Variants in CPNE8 observed in about 807,000 individuals in gnomAD.
The protein encoded by CPNE8 is copine 8, also known as copine-8.
Under a neutral mutation model 81.5 loss-of-function variants are expected in CPNE8, and 45 were observed. That is an observed-to-expected ratio of 0.55 (90% confidence interval 0.44 to 0.71). CPNE8 has a LOEUF of 0.71. Among genes scored for constraint, CPNE8 ranks in the 30% least tolerant of loss-of-function variants. The pLI is 0.00. For synonymous variants in CPNE8, 252 were observed against 226.3 expected (o/e 1.11, Z -1.02); for missense variants, 594 against 672.1 (o/e 0.88, Z 1.28).
chr12:38,738,519 T>C (rs906479158), intron 10 of CPNE8, among the ~76,000 whole-genome samples: 1 of 152,128 alleles, frequency 6.6e-6, no homozygotes, highest in African/African-American at 2.4e-5. Flanking sequence ...AGATAAGGGA[T>C]TGTTAGTCAA....
intron 14 of CPNE8, among the ~76,000 whole-genome samples, chr12:38,694,096 G>C (rs1052207998): frequency 2.6e-5 from 4 of 151,938 alleles, no homozygotes; most frequent in Non-Finnish European, 5.9e-5. Context: ...CAATGCCACA[G>C]GGTATTTTTG....
In CPNE8 at chr12:38,653,826, A is replaced by T; in HGVS notation, c.*56T>A. ...TGGTTCATTACAGAGCACCAGGCAC[A>T]AAGCATTAACTCAGCACTTTTGATT... On this transcript the variant is annotated 3_prime_UTR_variant, in exon 20 of 20. Coordinates refer to ENST00000331366, the MANE Select transcript of CPNE8 (RefSeq NM_153634.3). 1 of 1,574,526 alleles carries T rather than the reference A, an allele frequency of 6.4e-7. No homozygotes were observed. Among genetic ancestry groups the T allele is most frequent in the Non-Finnish European group, 8.6e-7 (1 of 1,165,902 alleles).
At chr12:38,854,265 C>T (rs1050843313) in intron 3 of CPNE8, among the ~76,000 whole-genome samples, 3 of 151,772 alleles carry the variant, frequency 2.0e-5, no homozygotes, top group Admixed American at 6.6e-5. Flanking sequence ...GGAAATAAAA[C>T]ACTGGCCTCA....
chr12:38,782,696 T>C (rs903798242), intron 6 of CPNE8, among the ~76,000 whole-genome samples: 1 of 152,166 alleles, frequency 6.6e-6, no homozygotes, highest in Admixed American at 6.5e-5. Context: ...TTGTTTTTTT[T>C]TTGAGACAGG....
Position 38,723,839 on chromosome 12 carries a change from A to G in CPNE8, c.853-6T>C. ...AAGAAAGAGAGTAAAGTTACCTGAA[A>G]AAGAAAAAGACAGAATTACCTTCTA... On this transcript the variant is annotated splice_region_variant and splice_polypyrimidine_tract_variant and intron_variant, in intron 12 of 19. Coordinates refer to ENST00000331366, the MANE Select transcript of CPNE8 (RefSeq NM_153634.3). 1.3e-6 allele frequency: 2 copies of G among 1,545,050 alleles called. No homozygotes were observed. The highest frequency in any genetic ancestry group is 4.5e-5 in the East Asian group (2 of 44,482).
chr12:38,693,787 T>C lies in CPNE8; in HGVS notation c.1013A>G (p.Asn338Ser). The change falls in exon 15 of 20, where the codon AAT (asparagine) becomes AGT (serine). Residue 338 changes from asparagine (N) to serine (S), a missense_variant. Asn to Ser is a conservative substitution (Grantham distance 46, BLOSUM62 1). Coordinates refer to ENST00000331366, the MANE Select transcript of CPNE8 (RefSeq NM_153634.3). The stretch of plus-strand genomic sequence containing the variant: ...TGCTTTTAGTGCCATACCATAGGCA[T>C]TCAGTTGGTAAGGATTCATGTAGTG... ...SLHYMNPYQLNAYGMALKAVG... is the reference protein window; with the variant it reads ...SLHYMNPYQLSAYGMALKAVG... 6.2e-7 allele frequency: 1 copy of C among 1,613,008 alleles called. No homozygotes were observed. The highest frequency in any genetic ancestry group is 2.2e-5 in the East Asian group (1 of 44,778).
At chr12:38,851,822 T>C (rs981142431) in intron 3 of CPNE8, among the ~76,000 whole-genome samples, 12 of 152,190 alleles carry the variant, frequency 7.9e-5, no homozygotes, top group Non-Finnish European at 1.5e-4. Flanking sequence ...TGGCTCCTAT[T>C]TTCCTCTCTA....
chr12:38,749,922 A>T (rs976968313), intron 10 of CPNE8, among the ~76,000 whole-genome samples: 1 of 152,164 alleles, frequency 6.6e-6, no homozygotes, highest in Non-Finnish European at 1.5e-5. Context: ...GTTAATCCCC[A>T]AGACAATGGG....
chr12:38,683,669 TC>T (rs1335805406), intron 16 of CPNE8, among the ~76,000 whole-genome samples: 1 of 152,124 alleles, frequency 6.6e-6, no homozygotes, highest in Non-Finnish European at 1.5e-5. Context: ...TCTTTTGTGG[TC>T]TTATACTAAG....
At chr12:38,673,899 A>G (rs2136646353) in intron 18 of CPNE8, among the ~76,000 whole-genome samples, 1 of 152,202 alleles carries the variant, frequency 6.6e-6, no homozygotes, top group South Asian at 2.1e-4. Context: ...CTCTATAAGG[A>G]GAAGTCCTGG....
intron 6 of CPNE8, among the ~76,000 whole-genome samples, chr12:38,796,614 G>C (rs1295561006): frequency 2.0e-5 from 3 of 152,162 alleles, no homozygotes; most frequent in Admixed American, 6.5e-5. Context: ...CCCAGCGTGA[G>C]TGACGCAGAA....
intron 6 of CPNE8, among the ~76,000 whole-genome samples, chr12:38,780,099 AG>A (rs1292726786): frequency 1.3e-5 from 2 of 152,008 alleles, no homozygotes; most frequent in Non-Finnish European, 2.9e-5. Flanking sequence ...TATGGTGTAA[AG>A]TAAGGGTCCA....
intron 8 of CPNE8, among the ~76,000 whole-genome samples, chr12:38,764,876 G>A (rs1941655316): frequency 6.6e-6 from 1 of 151,984 alleles, no homozygotes; most frequent in African/African-American, 2.4e-5. Context: ...GAGAGAGAGA[G>A]AGAGAAAAAG....
intron 6 of CPNE8, among the ~76,000 whole-genome samples, chr12:38,793,299 C>T (rs1942373139): frequency 6.7e-6 from 1 of 149,490 alleles, no homozygotes; most frequent in Admixed American, 6.7e-5. Context: ...TACAGAAGAG[C>T]TCATGCATTA....
At chr12:38,760,147 T>C (rs571391373) in intron 10 of CPNE8, among the ~76,000 whole-genome samples, 212 of 152,232 alleles carry the variant, frequency 1.4e-3, no homozygotes, top group African/African-American at 4.9e-3. Context: ...GATACCCACA[T>C]ATTCAGCCCT....
chr12:38,711,718 C>T (rs1190231431), intron 13 of CPNE8, among the ~76,000 whole-genome samples: 1 of 152,186 alleles, frequency 6.6e-6, no homozygotes, highest in Non-Finnish European at 1.5e-5. Flanking sequence ...ATCCACCCGC[C>T]TCGGCCTCCC....
intron 13 of CPNE8, among the ~76,000 whole-genome samples, chr12:38,705,304 A>G (rs1940077106): frequency 2.0e-5 from 3 of 152,124 alleles, no homozygotes; most frequent in Admixed American, 6.6e-5. Context: ...TCCTCTTAGT[A>G]AAAACTATTG....
chr12:38,788,631 A>C (rs1398000760), intron 6 of CPNE8, among the ~76,000 whole-genome samples: 2 of 151,772 alleles, frequency 1.3e-5, no homozygotes, highest in South Asian at 2.1e-4. Flanking sequence ...AGACAAGAGA[A>C]AGGTATAGAA....
intron 3 of CPNE8, among the ~76,000 whole-genome samples, chr12:38,863,339 T>G (rs1318763382): frequency 6.6e-6 from 1 of 152,144 alleles, no homozygotes; most frequent in Non-Finnish European, 1.5e-5. Context: ...TATTAAAACC[T>G]CCTATAATGA....
Sources: allele counts gnomAD v4.1 joint callset (sites outside exome capture counted in the v4.1 genomes callset), GRCh38; gene constraint gnomAD v4.1.1; transcripts MANE v1.5; gene names NCBI Gene and HGNC (gene_info 2026-07-23, HGNC 2026-07-21).